The following PEBP4 variants were observed in gnomAD, a reference collection of about 807,000 sequenced individuals.
PEBP4 encodes the protein phosphatidylethanolamine-binding protein 4.
Under a neutral mutation model 23.9 loss-of-function variants are expected in PEBP4, and 22 were observed. The ratio of observed to expected loss-of-function variants is 0.92; its 90% CI spans 0.66 to 1.31. The LOEUF is 1.31. Ranked by LOEUF, PEBP4 falls within the 40% of genes most tolerant of loss-of-function variation. The pLI, the probability that PEBP4 is intolerant of heterozygous loss-of-function variation, is 0.00. For synonymous variants in PEBP4, 112 were observed against 99.3 expected, an observed-to-expected ratio of 1.13 and a Z score of -0.76; for missense variants, 324 against 281.7, an observed-to-expected ratio of 1.15 and a Z score of -1.07.
At chr8:22,735,075 G>T (rs542155215) in intron 4 of PEBP4, among the ~76,000 whole-genome samples, 1 of 152,320 alleles carries the variant, frequency 6.6e-6, no homozygotes, top group East Asian at 1.9e-4. Flanking sequence ...CTGCCCCTGA[G>T]GAATGGTAGC....
intron 6 of PEBP4, 114 bp from the exon 7 acceptor site, chr8:22,713,650 A>T (rs1275175587): frequency 6.9e-7 from 1 of 1,452,364 alleles, no homozygotes; most frequent in African/African-American, 1.4e-5. Flanking sequence ...AGGTGATGCG[A>T]TGGCCATGGG....
chr8:22,908,408 G>A (rs1390017837), intron 3 of PEBP4, among the ~76,000 whole-genome samples: 2 of 151,608 alleles, frequency 1.3e-5, no homozygotes, highest in Non-Finnish European at 2.9e-5. Flanking sequence ...AAAAAAACCT[G>A]TCTAGGAAGA....
chr8:22,813,109 T>G (rs561857472), intron 4 of PEBP4, among the ~76,000 whole-genome samples: 1 of 152,138 alleles, frequency 6.6e-6, no homozygotes, highest in Non-Finnish European at 1.5e-5. Flanking sequence ...CCTAAAGCAC[T>G]TAGAAGCCCT....
intron 3 of PEBP4, among the ~76,000 whole-genome samples, chr8:22,831,054 T>G (rs1267300457): frequency 6.6e-6 from 1 of 152,190 alleles, no homozygotes; most frequent in East Asian, 1.9e-4. Flanking sequence ...GCACCCTGTA[T>G]TCCAGTTTCT....
intron 4 of PEBP4, among the ~76,000 whole-genome samples, chr8:22,765,919 GTGGATCACCACCATTCATGGATCACCACC>G (rs1805605596): frequency 6.8e-6 from 1 of 147,814 alleles, no homozygotes; most frequent in Non-Finnish European, 1.5e-5. Flanking sequence ...ATCACCACCT[GTGGATCACCACCATTCATGGATCACCACC>G]TGTGGATCAC....
chr8:22,927,680 A>G lies in PEBP4; in HGVS notation c.35T>C (p.Leu12Pro), dbSNP rs746027406. The G allele has an allele frequency of 8.7e-6, 14 of 1,613,880 alleles. No individual in the cohort carries two copies. In the South Asian group the frequency reaches 1.5e-4, roughly 18 times the overall value. Residue 12 changes from leucine to proline, a missense_variant, in exon 2 of 7, where the codon CTG becomes CCG. By Grantham distance (98) the Leu-to-Pro change is moderately conservative (BLOSUM62 -3). Coordinates refer to ENST00000256404, the MANE Select transcript of PEBP4 (RefSeq NM_144962.3). The part of the protein sequence containing the change: ...GWTMRLVTAA[L>P]LLGLMMVVTG... ...GACCACCATCATGAGACCCAGTAAC[A>G]GTGCTGCTGTGACCAGCCTCATTGT...
At chr8:22,833,456 C>T (rs541729282) in intron 3 of PEBP4, among the ~76,000 whole-genome samples, 16 of 152,276 alleles carry the variant, frequency 1.1e-4, no homozygotes, top group African/African-American at 2.9e-4. Context: ...CTCGGCCTCC[C>T]GAGTAGCTGG....
intron 6 of PEBP4, among the ~76,000 whole-genome samples, chr8:22,715,991 C>G (rs375352497): frequency 1.3e-5 from 2 of 152,090 alleles, no homozygotes; most frequent in Non-Finnish European, 2.9e-5. Context: ...AAAAGGGCAG[C>G]GCTGCTGTCT....
chr8:22,769,316 G>A (rs115816384), intron 4 of PEBP4, among the ~76,000 whole-genome samples: 1,788 of 152,322 alleles, frequency 0.012, 43 homozygotes, highest in African/African-American at 0.041. Flanking sequence ...TGAGACTCCA[G>A]CCCTCTGGGG....
At chr8:22,821,882 G>T (rs1806864735) in intron 3 of PEBP4, among the ~76,000 whole-genome samples, 1 of 151,972 alleles carries the variant, frequency 6.6e-6, no homozygotes, top group South Asian at 2.1e-4. Context: ...CTACTCCAGA[G>T]GCTGAGGCAG....
chr8:22,861,737 C>A (rs2128768763), intron 3 of PEBP4, among the ~76,000 whole-genome samples: 1 of 152,258 alleles, frequency 6.6e-6, no homozygotes, highest in Non-Finnish European at 1.5e-5. Flanking sequence ...CAAAGGATGT[C>A]AACTTGATTA....
intron 6 of PEBP4, among the ~76,000 whole-genome samples, chr8:22,719,428 C>G (rs1176830860): frequency 6.6e-6 from 1 of 152,180 alleles, no homozygotes; most frequent in African/African-American, 2.4e-5. Flanking sequence ...TGGTGTGGCA[C>G]AGACCGCAGC....
At chr8:22,788,670 G>A (rs1806076329) in intron 4 of PEBP4, among the ~76,000 whole-genome samples, 1 of 152,170 alleles carries the variant, frequency 6.6e-6, no homozygotes, top group South Asian at 2.1e-4. Flanking sequence ...TTATTCATAT[G>A]CTATGAATTC....
chr8:22,940,340 C>A (rs139667066), intron 1 of PEBP4, among the ~76,000 whole-genome samples: 5 of 152,226 alleles, frequency 3.3e-5, no homozygotes, highest in Non-Finnish European at 7.3e-5. Flanking sequence ...ACCAAAGTGG[C>A]CTTTCTGAGG....
intron 6 of PEBP4, among the ~76,000 whole-genome samples, chr8:22,717,619 C>G (rs1009048986): frequency 3.3e-5 from 5 of 152,216 alleles, no homozygotes; most frequent in Non-Finnish European, 7.3e-5. Flanking sequence ...GCTGCGGCAG[C>G]CTCTTGTCCC....
rs1313688667 is a variant in PEBP4, at chr8:22,727,105, T to C, written c.403+70A>G. On this transcript the variant is annotated intron_variant, in intron 5 of 6. Transcript: ENST00000256404. ...GCTAGCACACGACAAAGCAGCACCA[T>C]GAGGTTTTGATTCCTGTGATCGTCA... 7.2e-6 allele frequency: 11 copies of C among 1,524,780 alleles called. No individual in the cohort carries two copies. In the Admixed American group the frequency reaches 1.9e-4, roughly 26 times the overall value. 94.5% of individuals were successfully genotyped at this position (1,524,780 alleles called of 1,614,324 possible).
intron 3 of PEBP4, among the ~76,000 whole-genome samples, chr8:22,851,813 C>T (rs527613752): frequency 1.8e-4 from 27 of 151,940 alleles, no homozygotes; most frequent in Non-Finnish European, 2.9e-4. Flanking sequence ...AAGAGACAGC[C>T]GGATGCACTG....
intron 6 of PEBP4, among the ~76,000 whole-genome samples, chr8:22,723,801 T>A (rs1804567340): frequency 6.6e-6 from 1 of 152,208 alleles, no homozygotes; most frequent in Non-Finnish European, 1.5e-5. Context: ...GAGCCCTCTG[T>A]GATAGGTGGG....
intron 4 of PEBP4, among the ~76,000 whole-genome samples, chr8:22,812,608 A>G (rs545530827): frequency 6.6e-6 from 1 of 152,340 alleles, no homozygotes; most frequent in East Asian, 1.9e-4. Context: ...TATCAGTGGC[A>G]AAACTGCAAA....
Sources: allele counts gnomAD v4.1 joint callset (sites outside exome capture counted in the v4.1 genomes callset), GRCh38; gene constraint gnomAD v4.1.1; transcripts MANE v1.5; gene names NCBI Gene and HGNC (gene_info 2026-07-23, HGNC 2026-07-21).